The following EPB41L4A variants were observed in gnomAD, a reference collection of about 807,000 sequenced individuals.
EPB41L4A encodes the protein erythrocyte membrane protein band 4.1 like 4A, also known as band 4.1-like protein 4A.
Under a neutral mutation model 108.6 loss-of-function variants are expected in EPB41L4A, and 100 were observed. The ratio of observed to expected loss-of-function variants is 0.92; its 90% CI spans 0.78 to 1.09. The LOEUF (loss-of-function observed/expected upper bound fraction) is 1.09. Among genes scored for constraint, EPB41L4A ranks in the 50% least tolerant of loss-of-function variants. The probability of loss-of-function intolerance (pLI) is 0.00; values close to 1 mark genes in which losing one functional copy is unlikely to be tolerated. For synonymous variants in EPB41L4A, 319 were observed against 289.0 expected (o/e 1.10, Z -1.05); for missense variants, 1,030 against 842.7 (o/e 1.22, Z -2.75).
intron 13 of EPB41L4A, among the ~76,000 whole-genome samples, chr5:112,145,505 T>G (rs899801968): frequency 6.6e-6 from 1 of 152,222 alleles, no homozygotes; most frequent in African/African-American, 2.4e-5. Context: ...TGTACACAAC[T>G]GATTTATACT....
At chr5:112,284,579 T>A (rs1169106238) in intron 2 of EPB41L4A, among the ~76,000 whole-genome samples, 1 of 152,186 alleles carries the variant, frequency 6.6e-6, no homozygotes, top group Non-Finnish European at 1.5e-5. Flanking sequence ...AGTCTGTATA[T>A]GCTGACAAGC....
intron 1 of EPB41L4A, among the ~76,000 whole-genome samples, chr5:112,323,096 A>C (rs1755910102): frequency 6.6e-6 from 1 of 152,196 alleles, no homozygotes; most frequent in African/African-American, 2.4e-5. Flanking sequence ...AAGATCAAAC[A>C]AACATTGTAG....
intron 9 of EPB41L4A, among the ~76,000 whole-genome samples, chr5:112,255,363 T>C (rs1458028762): frequency 1.3e-5 from 2 of 152,112 alleles, no homozygotes; most frequent in Non-Finnish European, 2.9e-5. Flanking sequence ...GAATTCTGGG[T>C]TAATTTCTTT....
chr5:112,352,243 T>G (rs1758090591), intron 1 of EPB41L4A, among the ~76,000 whole-genome samples: 1 of 152,232 alleles, frequency 6.6e-6, no homozygotes, highest in African/African-American at 2.4e-5. Flanking sequence ...TCTACTTTTT[T>G]GATGCGGGTG....
intron 18 of EPB41L4A, among the ~76,000 whole-genome samples, chr5:112,174,085 G>A (rs899797618): frequency 3.3e-5 from 5 of 152,096 alleles, no homozygotes; most frequent in Non-Finnish European, 7.4e-5. Context: ...AAGTTCTGAC[G>A]TGGCCAATAG....
At chr5:112,298,543 T>C (rs1754155882) in intron 2 of EPB41L4A, among the ~76,000 whole-genome samples, 1 of 152,200 alleles carries the variant, frequency 6.6e-6, no homozygotes, top group Non-Finnish European at 1.5e-5. Context: ...ACACACTTGA[T>C]TATGGCGGAT....
chr5:112,205,303 A>T, intron 14 of EPB41L4A, 118 bp downstream of exon 14: 1 of 866,050 alleles, frequency 1.2e-6, no homozygotes, highest in Non-Finnish European at 2.0e-6. Context: ...GAGTCTGCCC[A>T]CTTTATCCAC....
chr5:112,376,156 A>G (rs1316457856), intron 1 of EPB41L4A, among the ~76,000 whole-genome samples: 1 of 152,250 alleles, frequency 6.6e-6, no homozygotes, highest in Non-Finnish European at 1.5e-5. Context: ...TAGAATATGT[A>G]AAGAACTCGC....
intron 4 of EPB41L4A, among the ~76,000 whole-genome samples, chr5:112,272,673 C>T (rs951797442): frequency 1.6e-4 from 23 of 146,780 alleles, no homozygotes; most frequent in African/African-American, 5.5e-4. Flanking sequence ...CCCAGCTACT[C>T]GGGAGGCTAA....
intron 4 of EPB41L4A, among the ~76,000 whole-genome samples, chr5:112,273,090 T>C (rs1412524562): frequency 6.6e-6 from 1 of 152,224 alleles, no homozygotes; most frequent in Non-Finnish European, 1.5e-5. Flanking sequence ...GCCAAAATTA[T>C]CTCATGTGAC....
At chr5:112,220,564 T>C (rs1747974859) in intron 12 of EPB41L4A, among the ~76,000 whole-genome samples, 6 of 152,150 alleles carry the variant, frequency 3.9e-5, no homozygotes, top group Admixed American at 3.3e-4. Context: ...AAAGAGAATC[T>C]AGAAATTGAT....
intron 1 of EPB41L4A, among the ~76,000 whole-genome samples, chr5:112,411,823 G>A (rs182794144): frequency 1.3e-5 from 2 of 152,100 alleles, no homozygotes; most frequent in African/African-American, 4.8e-5. Context: ...AACCAATTTC[G>A]ACAAGTCGCA....
intron 1 of EPB41L4A, among the ~76,000 whole-genome samples, chr5:112,310,461 G>A (rs1038371403): frequency 6.6e-6 from 1 of 152,178 alleles, no homozygotes; most frequent in African/African-American, 2.4e-5. Flanking sequence ...TCTTCATCCT[G>A]ACTGTAATGG....
rs1482030071 is a variant in EPB41L4A, at chr5:112,339,528, C to CTATATATA, written c.100-32046_100-32039dup. ...TATATATAGATATATAGATATATAT[C>CTATATATA]TATATATATATATATTTTTTTTTTA... On this transcript the variant is annotated intron_variant, in intron 1 of 22. Coordinates refer to ENST00000261486, the MANE Select transcript of EPB41L4A (RefSeq NM_022140.5). Among the ~76,000 whole-genome samples the CTATATATA allele has an allele frequency of 4.6e-3, 118 of 25,462 alleles. 1 individual carries two copies. Among genetic ancestry groups the CTATATATA allele is most frequent in the African/African-American group, 9.3e-3 (114 of 12,240 alleles). The allele number at this position is 25,462 out of a possible 152,430, so 16.7% of individuals were successfully genotyped here.
At chr5:112,316,386 A>G (rs1016826503) in intron 1 of EPB41L4A, among the ~76,000 whole-genome samples, 10 of 152,172 alleles carry the variant, frequency 6.6e-5, no homozygotes, top group African/African-American at 2.4e-4. Flanking sequence ...GTTCTCTGGG[A>G]AAACTTAAAA....
chr5:112,325,865 G>T (rs1291295167), intron 1 of EPB41L4A, among the ~76,000 whole-genome samples: 1 of 152,190 alleles, frequency 6.6e-6, no homozygotes, highest in East Asian at 1.9e-4. Flanking sequence ...AAAACTACAG[G>T]ACGGGCACAG....
chr5:112,363,858 T>C (rs1284465473), intron 1 of EPB41L4A, among the ~76,000 whole-genome samples: 1 of 152,246 alleles, frequency 6.6e-6, no homozygotes, highest in Non-Finnish European at 1.5e-5. Context: ...AATACTCACT[T>C]AAACACTGAA....
Position 112,261,641 on chromosome 5 carries a change from T to C in EPB41L4A, c.642+853A>G, listed in dbSNP as rs138337068. 5.7e-3 allele frequency among the ~76,000 whole-genome samples: 865 copies of C among 152,308 alleles called. 16 individuals are homozygous for C. The highest frequency in any genetic ancestry group is 0.054 in the South Asian group (259 of 4,828). On this transcript the variant is annotated intron_variant, in intron 7 of 22. Coordinates refer to ENST00000261486, the MANE Select transcript of EPB41L4A (RefSeq NM_022140.5). The stretch of plus-strand genomic sequence containing the variant: ...GTGCAGATTCAGTGTAATTGCTCAC[T>C]GATGACTATTCAGCAAGTTTTCATA...
At chr5:112,386,470 A>G (rs2112639408) in intron 1 of EPB41L4A, among the ~76,000 whole-genome samples, 1 of 152,294 alleles carries the variant, frequency 6.6e-6, no homozygotes, top group South Asian at 2.1e-4. Context: ...TTTCCTCTAC[A>G]TGGCCCAATA....
Sources: gnomAD v4.1 joint callset for allele counts (sites outside exome capture counted in the v4.1 genomes callset) on GRCh38, gnomAD v4.1.1 for gene constraint, MANE v1.5 for transcripts, NCBI Gene and HGNC (gene_info 2026-07-23, HGNC 2026-07-21) for gene names.